Variants in RNF217 observed in about 807,000 individuals in gnomAD.
RNF217 encodes E3 ubiquitin-protein ligase RNF217.
RNF217 carries 31 observed loss-of-function variants against 57.8 expected under a neutral mutation model. That is an observed-to-expected ratio of 0.54 (90% CI 0.40 to 0.72). The LOEUF is 0.72. Ranked by LOEUF, RNF217 falls within the 30% of genes least tolerant of loss-of-function variation. The pLI is 0.00. For synonymous variants in RNF217, 313 were observed against 294.0 expected (o/e 1.06, Z -0.66); for missense variants, 696 against 708.3 (o/e 0.98, Z 0.20).
intron 1 of RNF217, among the ~76,000 whole-genome samples, chr6:125,017,290 CATATTGT>C: frequency 6.6e-6 from 1 of 152,176 alleles, no homozygotes; most frequent in South Asian, 2.1e-4. Flanking sequence ...AGTTATACAC[CATATTGT>C]ATTTTTCATT....
rs1479965979 is a variant in RNF217, at chr6:125,085,704, T to C, written c.*2767T>C. On this transcript the variant is annotated 3_prime_UTR_variant, in exon 6 of 6. Coordinates refer to ENST00000521654, the MANE Select transcript of RNF217 (RefSeq NM_001286398.3). The stretch of plus-strand genomic sequence containing the variant: ...ATTTATAAAATACAACTTTCTCTAC[T>C]TACCCCACCTCTTATTTTCTAGGGG... 6.6e-6 allele frequency: 1 copy of C among 151,902 alleles called. No homozygotes were observed. Among genetic ancestry groups the C allele is most frequent in the African/African-American group, 2.4e-5 (1 of 41,420 alleles). The allele number at this position is 151,902 out of a possible 1,614,324, so 9.4% of individuals were successfully genotyped here. A position where few individuals can be genotyped will look rare whatever the true frequency, so the allele number is the denominator to read the frequency against.
chr6:125,010,878 A>G (rs10080977), intron 1 of RNF217, among the ~76,000 whole-genome samples: 36,539 of 152,032 alleles, frequency 0.24, 4,565 homozygotes, highest in African/African-American at 0.3. Flanking sequence ...TCCCAGGTCT[A>G]CCACGGTACC....
At chr6:125,031,576 T>A (rs1409264708) in intron 1 of RNF217, among the ~76,000 whole-genome samples, 1 of 152,222 alleles carries the variant, frequency 6.6e-6, no homozygotes, top group African/African-American at 2.4e-5. Flanking sequence ...GCTGCCAGTT[T>A]CTTCACTGAA....
chr6:125,004,724 A>G (rs1785108889), intron 1 of RNF217, among the ~76,000 whole-genome samples: 1 of 152,222 alleles, frequency 6.6e-6, no homozygotes, highest in Non-Finnish European at 1.5e-5. Flanking sequence ...ATATATGCAC[A>G]AAGGACAAGA....
intron 5 of RNF217, 117 bp from the exon 6 acceptor site, chr6:125,082,747 T>C (rs1265863155): frequency 8.7e-7 from 1 of 1,152,474 alleles, no homozygotes; most frequent in East Asian, 2.4e-5. Context: ...TTTCATAGCA[T>C]AGATGTCTTC....
chr6:125,005,129 A>G (rs1462224738), intron 1 of RNF217, among the ~76,000 whole-genome samples: 2 of 152,156 alleles, frequency 1.3e-5, no homozygotes, highest in African/African-American at 4.8e-5. Flanking sequence ...AACACCTCTT[A>G]AAGTCCCACC....
intron 1 of RNF217, among the ~76,000 whole-genome samples, chr6:125,000,593 A>T (rs1784939694): frequency 6.6e-6 from 1 of 152,058 alleles, no homozygotes; most frequent in Admixed American, 6.6e-5. Context: ...TGATCCTCAC[A>T]TTAATCAGGT....
At chr6:124,971,451 T>A (rs1288530073) in intron 1 of RNF217, 2 of 328,178 alleles carry the variant, frequency 6.1e-6, no homozygotes, top group South Asian at 2.5e-5. Context: ...CTGTTAAGTT[T>A]TTTTTTGTTT....
chr6:124,967,329 T>C (rs1174290152), intron 1 of RNF217, among the ~76,000 whole-genome samples: 1 of 152,244 alleles, frequency 6.6e-6, no homozygotes, highest in East Asian at 1.9e-4. Flanking sequence ...TCTGTTGCCT[T>C]CTTTGTTTCA....
chr6:125,049,706 T>C (rs11154288), intron 2 of RNF217, among the ~76,000 whole-genome samples: 25,330 of 151,834 alleles, frequency 0.17, 3,726 homozygotes, highest in African/African-American at 0.4. Flanking sequence ...ATTGTTATTA[T>C]TATTAGGCAA....
chr6:124,985,018 A>G (rs949381427), intron 1 of RNF217, among the ~76,000 whole-genome samples: 2 of 152,244 alleles, frequency 1.3e-5, no homozygotes. Flanking sequence ...AAGTTTAATG[A>G]CATTAATGGC....
intron 1 of RNF217, among the ~76,000 whole-genome samples, chr6:125,012,130 A>G (rs1036161879): frequency 1.3e-5 from 2 of 152,178 alleles, no homozygotes; most frequent in South Asian, 2.1e-4. Context: ...AAAAAGAAAC[A>G]ATAAGAAACT....
chr6:125,091,902 CT>C lies in RNF217; in HGVS notation c.*8969del, dbSNP rs1788964141. On this transcript the variant is annotated 3_prime_UTR_variant, in exon 6 of 6. Coordinates refer to ENST00000521654, the MANE Select transcript of RNF217 (RefSeq NM_001286398.3). ...TTATTTTGCTCTTCTTGATCTGTGC[CT>C]TTTGTTTTAGCTTTATACAAAATGC... 1 of 152,178 alleles carries C rather than the reference CT, an allele frequency of 6.6e-6. No homozygotes were observed. The highest frequency in any genetic ancestry group is 2.4e-5 in the African/African-American group (1 of 41,528). The allele number at this position is 152,178 out of a possible 1,614,324, so 9.4% of individuals were successfully genotyped here. A position where few individuals can be genotyped will look rare whatever the true frequency, so the allele number is the denominator to read the frequency against.
At chr6:124,989,471 C>G (rs1784474717) in intron 1 of RNF217, among the ~76,000 whole-genome samples, 2 of 152,250 alleles carry the variant, frequency 1.3e-5, no homozygotes, top group African/African-American at 4.8e-5. Context: ...TTTTAACTGT[C>G]ACTGTGATTC....
rs1010268563 is a variant in RNF217 at position 125,004,026 on chromosome 6, CTTT to C, written c.882+40603_882+40605del. Among the ~76,000 whole-genome samples the C allele has an allele frequency of 7.3e-5, 11 of 149,970 alleles. No individual in the cohort carries two copies. In the South Asian group the frequency reaches 1.9e-3, roughly 26 times the overall value. ...CACCTAAAACACTTTTTGGATTAGA[CTTT>C]TTAATTCTAATCTTTCTTTAAATGA... On this transcript the variant is annotated intron_variant, in intron 1 of 5. Transcript: ENST00000521654.
At chr6:124,976,844 G>T (rs1015340304) in intron 1 of RNF217, among the ~76,000 whole-genome samples, 1 of 152,084 alleles carries the variant, frequency 6.6e-6, no homozygotes, top group Non-Finnish European at 1.5e-5. Flanking sequence ...ATAACCCTTG[G>T]GTTTACCTTT....
At chr6:124,995,259 T>A (rs575293075) in intron 1 of RNF217, among the ~76,000 whole-genome samples, 1 of 152,250 alleles carries the variant, frequency 6.6e-6, no homozygotes, top group East Asian at 1.9e-4. Flanking sequence ...TTAAAAACAA[T>A]AATAAAATGA....
chr6:124,990,646 T>C (rs894671917), intron 1 of RNF217, among the ~76,000 whole-genome samples: 5 of 152,182 alleles, frequency 3.3e-5, no homozygotes, highest in South Asian at 2.1e-4. Flanking sequence ...ATAACCAGAA[T>C]TGAGCCACTT....
chr6:125,029,852 G>GA (rs1404235665), intron 1 of RNF217, among the ~76,000 whole-genome samples: 3 of 152,182 alleles, frequency 2.0e-5, no homozygotes, highest in African/African-American at 7.2e-5. Context: ...AATTAGCTGA[G>GA]ATGACGACAG....
Sources: allele counts gnomAD v4.1 joint callset (sites outside exome capture counted in the v4.1 genomes callset), GRCh38; gene constraint gnomAD v4.1.1; transcripts MANE v1.5; gene names NCBI Gene and HGNC (gene_info 2026-07-23, HGNC 2026-07-21).